The following GSG1L variants were observed in gnomAD, a reference collection of about 807,000 sequenced individuals.
GSG1L encodes GSG1 like, also known as germ cell-specific gene 1-like protein.
GSG1L carries 24 observed loss-of-function variants against 42.1 expected under a neutral mutation model. The observed-to-expected ratio is 0.57, with a 90% CI of 0.41 to 0.80. GSG1L has a LOEUF of 0.80. Ranked by LOEUF, GSG1L falls within the 30% of genes least tolerant of loss-of-function variation. GSG1L has a pLI of 0.00. For missense variants in GSG1L, 445 were observed against 472.2 expected, an observed-to-expected ratio of 0.94 and a Z score of 0.53; for synonymous variants, 215 against 203.5, an observed-to-expected ratio of 1.06 and a Z score of -0.48.
intron 1 of GSG1L, among the ~76,000 whole-genome samples, chr16:28,015,210 A>G (rs1334402002): frequency 6.6e-6 from 1 of 152,226 alleles, no homozygotes; most frequent in Non-Finnish European, 1.5e-5. Context: ...CACCATATCT[A>G]ATGTGGGATG....
intron 2 of GSG1L, among the ~76,000 whole-genome samples, chr16:27,930,298 C>T (rs1050385267): frequency 6.6e-6 from 1 of 152,186 alleles, no homozygotes; most frequent in African/African-American, 2.4e-5. Context: ...CATGGCCAGC[C>T]CCCTCACCTC....
chr16:27,972,166 G>T (rs937078797), intron 1 of GSG1L, among the ~76,000 whole-genome samples: 9 of 152,218 alleles, frequency 5.9e-5, no homozygotes, highest in African/African-American at 2.2e-4. Flanking sequence ...TCCAAGAGGG[G>T]CCAAAATAAA....
At chr16:27,877,141 G>A (rs1268969660) in intron 3 of GSG1L, among the ~76,000 whole-genome samples, 4 of 152,206 alleles carry the variant, frequency 2.6e-5, no homozygotes, top group Non-Finnish European at 5.9e-5. Context: ...GGGAGCAAGA[G>A]GGTGGCAGAG....
chr16:27,807,485 A>G lies in GSG1L; in HGVS notation c.898+2T>C. On this transcript the variant is annotated splice_donor_variant, in intron 6 of 6. Coordinates refer to ENST00000447459, the MANE Select transcript of GSG1L (RefSeq NM_001109763.2). LOFTEE classifies it high-confidence loss of function. Reference sequence around the variant, plus strand: ...GCAGATACCCACAAACAGGCCACTTACGGGCAGGGTATCTCTCGTGGCGGC... The same window carrying G: ...GCAGATACCCACAAACAGGCCACTTGCGGGCAGGGTATCTCTCGTGGCGGC... 1 of 1,612,290 alleles carries G rather than the reference A, an allele frequency of 6.2e-7. No homozygotes were observed. Among genetic ancestry groups the G allele is most frequent in the Non-Finnish European group, 8.5e-7 (1 of 1,179,112 alleles).
intron 4 of GSG1L, among the ~76,000 whole-genome samples, chr16:27,832,921 A>G (rs576257581): frequency 1.3e-5 from 2 of 152,292 alleles, no homozygotes; most frequent in South Asian, 4.1e-4. Flanking sequence ...TAGCTTTCTC[A>G]TCAATCTCTT....
intron 5 of GSG1L, among the ~76,000 whole-genome samples, chr16:27,825,332 A>G (rs1333432081): frequency 6.6e-6 from 1 of 152,170 alleles, no homozygotes; most frequent in East Asian, 1.9e-4. Flanking sequence ...CAAACTGGCA[A>G]ACAAATAAAG....
At chr16:27,997,298 A>C (rs1438314416) in intron 1 of GSG1L, among the ~76,000 whole-genome samples, 5 of 140,180 alleles carry the variant, frequency 3.6e-5, no homozygotes, top group Non-Finnish European at 7.7e-5. Context: ...ACAGCTGGGA[A>C]GTGTTCTCCA....
rs562789902 is a variant in GSG1L, at chr16:27,849,355, A to G, written c.551-4294T>C. On this transcript the variant is annotated intron_variant, in intron 3 of 6. Transcript: ENST00000447459. ...CAGGACGAGAAGTCAGTAAAAGGCT[A>G]TCCGCCTTAAGCAGGGGTCTAACTG... Among the ~76,000 whole-genome samples the G allele has an allele frequency of 6.6e-5, 10 of 152,300 alleles. No homozygotes were observed. The South Asian group carries it at 2.1e-3, about 32-fold the overall frequency.
At chr16:27,919,233 C>A (rs1157330599) in intron 2 of GSG1L, among the ~76,000 whole-genome samples, 1 of 152,156 alleles carries the variant, frequency 6.6e-6, no homozygotes, top group Non-Finnish European at 1.5e-5. Flanking sequence ...GGAGTCAGTA[C>A]AAAGAAGGTT....
At chr16:27,944,439 C>T (rs1400311877) in intron 2 of GSG1L, among the ~76,000 whole-genome samples, 5 of 151,722 alleles carry the variant, frequency 3.3e-5, no homozygotes, top group African/African-American at 7.2e-5. Context: ...CTGGCCAACA[C>T]GGCAAAACCC....
intron 4 of GSG1L, among the ~76,000 whole-genome samples, chr16:27,829,346 C>T (rs2083250815): frequency 6.6e-6 from 1 of 152,006 alleles, no homozygotes; most frequent in African/African-American, 2.4e-5. Context: ...GGCATGGAGG[C>T]ATCAAACAGC....
chr16:27,836,450 C>T (rs897348657), intron 4 of GSG1L, among the ~76,000 whole-genome samples: 2 of 152,098 alleles, frequency 1.3e-5, no homozygotes, highest in African/African-American at 4.8e-5. Flanking sequence ...GTACTTGGTC[C>T]AGTCCCATCC....
chr16:27,935,127 A>G lies in GSG1L; in HGVS notation c.397+28029T>C, dbSNP rs577537141. ...AGGGAGGTTTCTCCAAGGCGAGGAC[A>G]TTGAGGTGAGACTCGGATGGAGCCC... On this transcript the variant is annotated intron_variant, in intron 2 of 6. Coordinates refer to ENST00000447459, the MANE Select transcript of GSG1L (RefSeq NM_001109763.2). Among the ~76,000 whole-genome samples, 4 of 152,330 alleles carry G rather than the reference A, an allele frequency of 2.6e-5. No individual in the cohort carries two copies. In the South Asian group the frequency reaches 8.3e-4, roughly 32 times the overall value.
chr16:27,911,069 C>T (rs1223727954), intron 2 of GSG1L, among the ~76,000 whole-genome samples: 1 of 152,042 alleles, frequency 6.6e-6, no homozygotes, highest in Non-Finnish European at 1.5e-5. Context: ...TGCCCTGAGC[C>T]CCAGTCAAGG....
At chr16:27,976,881 T>A (rs2085256878) in intron 1 of GSG1L, among the ~76,000 whole-genome samples, 1 of 152,204 alleles carries the variant, frequency 6.6e-6, no homozygotes, top group Non-Finnish European at 1.5e-5. Flanking sequence ...ACTCGCTCCA[T>A]CCAGAAGCAA....
intron 3 of GSG1L, among the ~76,000 whole-genome samples, chr16:27,880,689 GA>G (rs1252687641): frequency 6.6e-6 from 1 of 152,120 alleles, no homozygotes; most frequent in Admixed American, 6.5e-5. Flanking sequence ...AGGTAGAGGA[GA>G]GTCCCCCACT....
intron 5 of GSG1L, chr16:27,823,898 T>C (rs2083177066): frequency 1.4e-6 from 1 of 702,848 alleles, no homozygotes; most frequent in Non-Finnish European, 2.6e-6. Flanking sequence ...CCTCCCTCTC[T>C]GTGCCTCGAT....
rs1479626735 is a variant in GSG1L at position 27,828,827 on chromosome 16, G to T, written c.792C>A (p.Thr264=). Residue 264 remains threonine, a synonymous_variant, in exon 5 of 7, where the codon ACC becomes ACA. Transcript: ENST00000447459. ...ACTTGATGGCCTCAGGGTCTATGAA[G>T]GTCGGCTCTTCCCGGTAGCCCTGCT... The part of the protein sequence containing the change: ...VFEQGYREEP[T]FIDPEAIKYF... The T allele has an allele frequency of 1.9e-6, 3 of 1,614,182 alleles. No individual in the cohort carries two copies.
At chr16:27,898,674 T>TTCTC (rs71140920) in intron 2 of GSG1L, among the ~76,000 whole-genome samples, 30 of 148,080 alleles carry the variant, frequency 2.0e-4, no homozygotes, top group African/African-American at 7.0e-4. Flanking sequence ...TCCTCCCTCT[T>TTCTC]TCTCTCTCTC....
Sources: gnomAD v4.1 joint callset for allele counts (sites outside exome capture counted in the v4.1 genomes callset) on GRCh38, gnomAD v4.1.1 for gene constraint, MANE v1.5 for transcripts, NCBI Gene and HGNC (gene_info 2026-07-23, HGNC 2026-07-21) for gene names.